Variants in FAM110B observed in about 807,000 individuals in gnomAD.
The protein encoded by FAM110B is family with sequence similarity 110 member B.
Under a neutral mutation model 20.4 loss-of-function variants are expected in FAM110B, and 6 were observed. The ratio of observed to expected loss-of-function variants is 0.29; its 90% CI spans 0.16 to 0.58. The LOEUF (loss-of-function observed/expected upper bound fraction) is 0.58, where lower values mean the gene tolerates loss of function less well. Among genes scored for constraint, FAM110B ranks in the 20% least tolerant of loss-of-function variants. The pLI is 0.90. For synonymous variants in FAM110B, 226 were observed against 214.1 expected, an observed-to-expected ratio of 1.06 and a Z score of -0.49; for missense variants, 434 against 498.2, an observed-to-expected ratio of 0.87 and a Z score of 1.23.
At chr8:57,998,246 T>TG (rs1804224154) in intron 1 of FAM110B, among the ~76,000 whole-genome samples, 1 of 152,230 alleles carries the variant, frequency 6.6e-6, no homozygotes, top group Non-Finnish European at 1.5e-5. Context: ...AGGAGAGAGA[T>TG]GGCACATTTA....
At chr8:58,079,658 G>A (rs1806140080) in intron 3 of FAM110B, among the ~76,000 whole-genome samples, 1 of 152,100 alleles carries the variant, frequency 6.6e-6, no homozygotes, top group African/African-American at 2.4e-5. Context: ...GCATGCGCCT[G>A]TAGTTCCAGC....
At chr8:58,071,678 A>T (rs1327429862) in intron 2 of FAM110B, among the ~76,000 whole-genome samples, 1 of 152,192 alleles carries the variant, frequency 6.6e-6, no homozygotes, top group Non-Finnish European at 1.5e-5. Flanking sequence ...TACAAAATGC[A>T]TCCAAATAAC....
intron 1 of FAM110B, among the ~76,000 whole-genome samples, chr8:58,009,582 A>G (rs1447643218): frequency 6.6e-6 from 1 of 152,266 alleles, no homozygotes; most frequent in African/African-American, 2.4e-5. Flanking sequence ...TGGGTTAAAT[A>G]TATTATCAAA....
intron 2 of FAM110B, among the ~76,000 whole-genome samples, chr8:58,063,744 A>T (rs1471661605): frequency 6.6e-6 from 1 of 152,142 alleles, no homozygotes; most frequent in African/African-American, 2.4e-5. Context: ...CTATAATAGG[A>T]CTTTTTGATA....
chr8:58,092,238 T>C (rs1451995784), intron 3 of FAM110B, among the ~76,000 whole-genome samples: 1 of 152,174 alleles, frequency 6.6e-6, no homozygotes, highest in African/African-American at 2.4e-5. Context: ...ACATGCTATA[T>C]TTTTCTTATT....
At chr8:57,997,417 A>G (rs1187521845) in intron 1 of FAM110B, among the ~76,000 whole-genome samples, 1 of 152,216 alleles carries the variant, frequency 6.6e-6, no homozygotes, top group African/African-American at 2.4e-5. Flanking sequence ...TAAAAATATT[A>G]TTATGAAACT....
At chr8:58,089,876 C>T (rs1445593102) in intron 3 of FAM110B, among the ~76,000 whole-genome samples, 2 of 152,168 alleles carry the variant, frequency 1.3e-5, no homozygotes, top group African/African-American at 4.8e-5. Flanking sequence ...AAAATTGTAT[C>T]CTTTATACAC....
At chr8:58,080,995 C>T (rs1375288471) in intron 3 of FAM110B, among the ~76,000 whole-genome samples, 2 of 152,198 alleles carry the variant, frequency 1.3e-5, no homozygotes, top group Non-Finnish European at 2.9e-5. Flanking sequence ...CAGTGGAGAC[C>T]TTTCCTCTGG....
intron 2 of FAM110B, among the ~76,000 whole-genome samples, chr8:58,043,999 A>G (rs1386390715): frequency 6.6e-6 from 1 of 152,246 alleles, no homozygotes; most frequent in East Asian, 1.9e-4. Flanking sequence ...ATTTCTTTGC[A>G]TTTGGTTTGA....
chr8:58,075,445 A>T (rs1806014643), intron 2 of FAM110B, 90 bp from the exon 3 acceptor site: 1 of 152,102 alleles, frequency 6.6e-6, no homozygotes, highest in Non-Finnish European at 1.5e-5. Context: ...TAAAAGAATT[A>T]CCACTGTCTG....
chr8:58,047,695 GGAATAGT>G, intron 2 of FAM110B, among the ~76,000 whole-genome samples: 1 of 142,828 alleles, frequency 7.0e-6, no homozygotes, highest in East Asian at 2.3e-4. Context: ...CTATTAAATA[GGAATAGT>G]AATACAGGCA....
chr8:58,063,264 TTTTATTAACAA>T (rs1287755416), intron 2 of FAM110B, among the ~76,000 whole-genome samples: 3 of 152,186 alleles, frequency 2.0e-5, no homozygotes, highest in Admixed American at 6.5e-5. Flanking sequence ...AAATACAAGT[TTTTATTAACAA>T]TTTATATTCA....
At chr8:58,072,803 T>C (rs556804951) in intron 2 of FAM110B, among the ~76,000 whole-genome samples, 1 of 152,312 alleles carries the variant, frequency 6.6e-6, no homozygotes, top group South Asian at 2.1e-4. Flanking sequence ...GGAAAAGTGG[T>C]CACCAGTTTA....
intron 2 of FAM110B, among the ~76,000 whole-genome samples, chr8:58,047,055 C>A (rs537701217): frequency 6.6e-6 from 1 of 151,928 alleles, no homozygotes; most frequent in African/African-American, 2.4e-5. Flanking sequence ...AGAAGAGTTA[C>A]GAAGAGAAAA....
intron 2 of FAM110B, among the ~76,000 whole-genome samples, chr8:58,064,863 A>C (rs1805731037): frequency 6.6e-6 from 1 of 152,230 alleles, no homozygotes; most frequent in Non-Finnish European, 1.5e-5. Flanking sequence ...GGAGAGACGT[A>C]TATGGTGATA....
chr8:58,146,121 C>A lies in FAM110B; in HGVS notation c.-110C>A. On this transcript the variant is annotated 5_prime_UTR_variant, in exon 4 of 4. Transcript: ENST00000519262. ...GCGGCCGCTGCTGCTGACACTCGCTCCCAGGCTGCACCCGCCGCCCTTGGC... is the reference window on the plus strand; with the variant it reads ...GCGGCCGCTGCTGCTGACACTCGCTACCAGGCTGCACCCGCCGCCCTTGGC... The A allele has an allele frequency of 7.5e-7, 1 of 1,330,916 alleles. No homozygotes were observed. The highest frequency in any genetic ancestry group is 1.0e-6 in the Non-Finnish European group (1 of 986,108). 82.4% of individuals were successfully genotyped at this position (1,330,916 alleles called of 1,614,324 possible).
chr8:58,106,572 C>T (rs368162781), intron 3 of FAM110B, among the ~76,000 whole-genome samples: 24 of 152,054 alleles, frequency 1.6e-4, no homozygotes, highest in Admixed American at 4.6e-4. Context: ...CCAACAGGAA[C>T]CCAGGGAAGG....
chr8:58,003,808 G>A (rs552604638), intron 1 of FAM110B, among the ~76,000 whole-genome samples: 1 of 152,194 alleles, frequency 6.6e-6, no homozygotes, highest in South Asian at 2.1e-4. Context: ...AGTAGACTTA[G>A]TATCATTCTT....
intron 2 of FAM110B, among the ~76,000 whole-genome samples, chr8:58,031,932 C>G (rs182416764): frequency 1.7e-3 from 253 of 152,302 alleles, no homozygotes; most frequent in African/African-American, 5.6e-3. Context: ...GTGCTGGTCA[C>G]TGTTCTAAGC....
Sources: gnomAD v4.1 joint callset for allele counts (sites outside exome capture counted in the v4.1 genomes callset) on GRCh38, gnomAD v4.1.1 for gene constraint, MANE v1.5 for transcripts, NCBI Gene and HGNC (gene_info 2026-07-23, HGNC 2026-07-21) for gene names.